ST6GALNAC3: variants seen among roughly 807,000 people sequenced by gnomAD.
ST6GALNAC3 encodes alpha-N-acetylgalactosaminide alpha-2,6-sialyltransferase 3.
ST6GALNAC3 carries 25 observed loss-of-function variants against 32.7 expected under a neutral mutation model. The ratio of observed to expected loss-of-function variants is 0.76; its 90% CI spans 0.56 to 1.07. The LOEUF is 1.07. ST6GALNAC3 is among the 50% of genes least tolerant of loss of function. The pLI, the probability that ST6GALNAC3 is intolerant of heterozygous loss-of-function variation, is 0.00. For synonymous variants in ST6GALNAC3, 129 were observed against 133.1 expected (o/e 0.97, Z 0.21); for missense variants, 355 against 382.4 (o/e 0.93, Z 0.60).
chr1:76,416,380 T>C (rs1164913660), intron 3 of ST6GALNAC3, among the ~76,000 whole-genome samples: 2 of 152,090 alleles, frequency 1.3e-5, no homozygotes, highest in Non-Finnish European at 2.9e-5. Context: ...TTTTAGCAAG[T>C]AGTTATTTTC....
chr1:76,629,115 T>C lies in ST6GALNAC3; in HGVS notation c.*309T>C. The C allele has an allele frequency of 9.0e-7, 1 of 1,107,376 alleles. No individual in the cohort carries two copies. Among genetic ancestry groups the C allele is most frequent in the Non-Finnish European group, 1.1e-6 (1 of 909,474 alleles). 68.6% of individuals were successfully genotyped at this position (1,107,376 alleles called of 1,614,324 possible). A position where few individuals can be genotyped will look rare whatever the true frequency, so the allele number is the denominator to read the frequency against. On this transcript the variant is annotated 3_prime_UTR_variant, in exon 5 of 5. Transcript: ENST00000328299. The stretch of plus-strand genomic sequence containing the variant: ...GACCTAAGAAATGGGAAGATTATCT[T>C]TCAAGATAGCTGCCTAGAATTGTTC...
intron 2 of ST6GALNAC3, among the ~76,000 whole-genome samples, chr1:76,337,637 C>G (rs767785764): frequency 6.6e-6 from 1 of 152,172 alleles, no homozygotes; most frequent in African/African-American, 2.4e-5. Flanking sequence ...GGGGAATCCC[C>G]TGGCCCAGTC....
intron 3 of ST6GALNAC3, among the ~76,000 whole-genome samples, chr1:76,458,400 A>T (rs1009966254): frequency 4.4e-5 from 4 of 91,330 alleles, no homozygotes; most frequent in Non-Finnish European, 8.8e-5. Flanking sequence ...TACCCAAAGG[A>T]CTATAAATCA....
intron 1 of ST6GALNAC3, among the ~76,000 whole-genome samples, chr1:76,184,174 A>G (rs1653383232): frequency 6.6e-6 from 1 of 151,982 alleles, no homozygotes; most frequent in African/African-American, 2.4e-5. Context: ...CCATAGGGGC[A>G]TTTCTTTGAG....
intron 3 of ST6GALNAC3, among the ~76,000 whole-genome samples, chr1:76,498,136 C>T (rs751450218): frequency 6.6e-6 from 1 of 152,156 alleles, no homozygotes; most frequent in Admixed American, 6.6e-5. Context: ...GTAGCCCAGG[C>T]AGAACTCTGA....
chr1:76,075,082 T>C (rs1330730299), intron 1 of ST6GALNAC3, among the ~76,000 whole-genome samples, 198 bp downstream of exon 1: 1 of 152,240 alleles, frequency 6.6e-6, no homozygotes, highest in Non-Finnish European at 1.5e-5. Context: ...TTTCCCACCA[T>C]TCCTGCCTCC....
chr1:76,565,552 CCA>C (rs1328684997), intron 3 of ST6GALNAC3, among the ~76,000 whole-genome samples: 1 of 152,182 alleles, frequency 6.6e-6, no homozygotes, highest in Non-Finnish European at 1.5e-5. Flanking sequence ...ACTAAGCCTC[CCA>C]GCTCGGTAGA....
At chr1:76,132,228 A>G (rs773200732) in intron 1 of ST6GALNAC3, among the ~76,000 whole-genome samples, 24 of 152,168 alleles carry the variant, frequency 1.6e-4, no homozygotes, top group Non-Finnish European at 3.2e-4. Context: ...AGGAGTCAGA[A>G]TATAGGTAGC....
Position 76,606,975 on chromosome 1 carries a change from CA to C in ST6GALNAC3, c.624-20476del, listed in dbSNP as rs2100652676. 2.0e-5 allele frequency among the ~76,000 whole-genome samples: 3 copies of C among 151,838 alleles called. No homozygotes were observed. The East Asian group carries it at 5.9e-4, about 30-fold the overall frequency. ...GCATAGACCACACAGGTAAAGGCCTCAGTCCCATAAGACTGCCCTACACTTC... is the reference window on the plus strand; with the variant it reads ...GCATAGACCACACAGGTAAAGGCCTCGTCCCATAAGACTGCCCTACACTTC... On this transcript the variant is annotated intron_variant, in intron 3 of 4. Coordinates refer to ENST00000328299, the MANE Select transcript of ST6GALNAC3 (RefSeq NM_152996.4).
At chr1:76,251,457 T>C (rs1048711067) in intron 1 of ST6GALNAC3, among the ~76,000 whole-genome samples, 1 of 152,146 alleles carries the variant, frequency 6.6e-6, no homozygotes, top group East Asian at 1.9e-4. Context: ...TGCTCATTCT[T>C]GCCTCAACCT....
In ST6GALNAC3 at chr1:76,630,814, GT is replaced by G. The variant is rs1245279950; in HGVS notation, c.*2015del. 1.0e-6 allele frequency: 1 copy of G among 985,476 alleles called. No homozygotes were observed. The highest frequency in any genetic ancestry group is 4.7e-5 in the South Asian group (1 of 21,282). The allele number at this position is 985,476 out of a possible 1,614,324, so 61.0% of individuals were successfully genotyped here. A position where few individuals can be genotyped will look rare whatever the true frequency, so the allele number is the denominator to read the frequency against. ...CAATTTTTAATTCTATGAATGTTAA[GT>G]TTTTTTGAGCTAATGATAGATAGAA... is the stretch of plus-strand genomic sequence containing the variant. On this transcript the variant is annotated 3_prime_UTR_variant, in exon 5 of 5. Coordinates refer to ENST00000328299, the MANE Select transcript of ST6GALNAC3 (RefSeq NM_152996.4).
intron 1 of ST6GALNAC3, among the ~76,000 whole-genome samples, chr1:76,185,443 G>T (rs1237397097): frequency 1.3e-5 from 2 of 152,112 alleles, no homozygotes; most frequent in Admixed American, 6.5e-5. Context: ...ACAGTGCCTG[G>T]AACATAGTCA....
chr1:76,417,211 T>G (rs1654706412), intron 3 of ST6GALNAC3, among the ~76,000 whole-genome samples: 1 of 151,606 alleles, frequency 6.6e-6, no homozygotes, highest in Non-Finnish European at 1.5e-5. Flanking sequence ...CAGTTGTTTT[T>G]TTTTTCTTTC....
At chr1:76,080,805 G>C (rs1302334441) in intron 1 of ST6GALNAC3, among the ~76,000 whole-genome samples, 3 of 152,180 alleles carry the variant, frequency 2.0e-5, no homozygotes, top group Non-Finnish European at 4.4e-5. Flanking sequence ...GATAACCCTG[G>C]CAAGTAGACA....
At chr1:76,377,209 G>C (rs1318088964) in intron 2 of ST6GALNAC3, among the ~76,000 whole-genome samples, 1 of 152,204 alleles carries the variant, frequency 6.6e-6, no homozygotes, top group Non-Finnish European at 1.5e-5. Flanking sequence ...TTTAGGGCAT[G>C]ACTGAGAAAT....
At chr1:76,426,233 C>CT (rs1655374581) in intron 3 of ST6GALNAC3, among the ~76,000 whole-genome samples, 1 of 151,796 alleles carries the variant, frequency 6.6e-6, no homozygotes, top group African/African-American at 2.4e-5. Context: ...TCTGTCTTCC[C>CT]TTATTAGACT....
At position 76,272,510 on chromosome 1, in the gene ST6GALNAC3, C is replaced by G. The variant is rs534308257; in HGVS notation, c.19-41295C>G. Among the ~76,000 whole-genome samples, 3 of 152,174 alleles carry G rather than the reference C, an allele frequency of 2.0e-5. No homozygotes were observed. The South Asian group carries it at 6.2e-4, about 32-fold the overall frequency. On this transcript the variant is annotated intron_variant, in intron 1 of 4. Coordinates refer to ENST00000328299, the MANE Select transcript of ST6GALNAC3 (RefSeq NM_152996.4). ...ATTAGAGGCAGAATCAGAATCGAAGCCTCAGGCTTCCTCATTTGTAGTTCA... is the reference window on the plus strand; with the variant it reads ...ATTAGAGGCAGAATCAGAATCGAAGGCTCAGGCTTCCTCATTTGTAGTTCA...
chr1:76,312,296 CA>C (rs1420307504), intron 1 of ST6GALNAC3, among the ~76,000 whole-genome samples: 2 of 152,066 alleles, frequency 1.3e-5, no homozygotes, highest in Non-Finnish European at 2.9e-5. Context: ...AAGACTTAAA[CA>C]TAAGACCTAA....
chr1:76,459,042 A>C (rs374999099), intron 3 of ST6GALNAC3, among the ~76,000 whole-genome samples: 4 of 152,142 alleles, frequency 2.6e-5, no homozygotes, highest in African/African-American at 9.7e-5. Context: ...ATTCAGGAAG[A>C]TATGTGTATT....
Sources: allele counts gnomAD v4.1 joint callset (sites outside exome capture counted in the v4.1 genomes callset), GRCh38; gene constraint gnomAD v4.1.1; transcripts MANE v1.5; gene names NCBI Gene and HGNC (gene_info 2026-07-23, HGNC 2026-07-21).